The following PITPNC1 variants were observed in gnomAD, a reference collection of about 807,000 sequenced individuals.
The protein encoded by PITPNC1 is cytoplasmic phosphatidylinositol transfer protein 1.
Under a neutral mutation model 44.7 loss-of-function variants are expected in PITPNC1, and 18 were observed. That is an observed-to-expected ratio of 0.40 (90% CI 0.28 to 0.60). The LOEUF (loss-of-function observed/expected upper bound fraction) is 0.60, where lower values mean the gene tolerates loss of function less well. Among genes scored for constraint, PITPNC1 ranks in the 20% least tolerant of loss-of-function variants. PITPNC1 has a pLI of 0.39. For synonymous variants in PITPNC1, 141 were observed against 149.6 expected (o/e 0.94, Z 0.42); for missense variants, 290 against 418.4 (o/e 0.69, Z 2.68).
At chr17:67,668,660 G>A (rs964260124) in intron 6 of PITPNC1, among the ~76,000 whole-genome samples, 8 of 152,068 alleles carry the variant, frequency 5.3e-5, no homozygotes, top group Non-Finnish European at 7.4e-5. Flanking sequence ...TCAGGAGATC[G>A]AGACCATCCT....
intron 8 of PITPNC1, among the ~76,000 whole-genome samples, chr17:67,687,530 A>T (rs2042839570): frequency 6.6e-6 from 1 of 152,248 alleles, no homozygotes; most frequent in Non-Finnish European, 1.5e-5. Context: ...CATGTCAGTA[A>T]CTTTTAAAAA....
intron 1 of PITPNC1, among the ~76,000 whole-genome samples, chr17:67,392,455 G>T (rs1382762313): frequency 6.6e-6 from 1 of 152,080 alleles, no homozygotes; most frequent in East Asian, 1.9e-4. Flanking sequence ...TGTTGCCCAG[G>T]CTGGTCTCAA....
intron 1 of PITPNC1, among the ~76,000 whole-genome samples, chr17:67,500,765 C>G (rs1375942033): frequency 6.6e-6 from 1 of 151,764 alleles, no homozygotes; most frequent in East Asian, 1.9e-4. Flanking sequence ...CTCACTGAAG[C>G]CTCAAACTCC....
intron 6 of PITPNC1, among the ~76,000 whole-genome samples, chr17:67,645,839 T>C (rs918640438): frequency 6.6e-6 from 1 of 152,202 alleles, no homozygotes; most frequent in Admixed American, 6.5e-5. Flanking sequence ...ACCCAAAGAC[T>C]CTAGGCCGGC....
At chr17:67,634,008 C>A (rs2042001082) in intron 6 of PITPNC1, among the ~76,000 whole-genome samples, 1 of 152,184 alleles carries the variant, frequency 6.6e-6, no homozygotes, top group Non-Finnish European at 1.5e-5. Flanking sequence ...GAAATCAAGT[C>A]TCATTTCTAG....
At position 67,670,223 on chromosome 17, in the gene PITPNC1, G is replaced by A. The variant is rs530164293; in HGVS notation, c.618+560G>A. ...TGACCTCCATGTCTATTAGGCAAGC[G>A]TATTTGGGAAACACACTTCTCAGTT... On this transcript the variant is annotated intron_variant, in intron 7 of 8. Coordinates refer to ENST00000581322, the MANE Select transcript of PITPNC1 (RefSeq NM_012417.4). Among the ~76,000 whole-genome samples the A allele has an allele frequency of 2.6e-5, 4 of 152,196 alleles. No homozygotes were observed. In the South Asian group the frequency reaches 6.2e-4, roughly 24 times the overall value.
rs147860805 is a variant in PITPNC1, at chr17:67,534,593, C to A, written c.197+1643C>A. Among the ~76,000 whole-genome samples, 695 of 151,520 alleles carry A rather than the reference C, an allele frequency of 4.6e-3. 5 individuals carry two copies. Among genetic ancestry groups the A allele is most frequent in the African/African-American group, 0.016 (663 of 41,256 alleles). ...GTTGAGGGCTGCAGTGAGCTGAGAT[C>A]ATGCCACTGTACTCCAGCTTGGGTG... On this transcript the variant is annotated intron_variant, in intron 2 of 8. Coordinates refer to ENST00000581322, the MANE Select transcript of PITPNC1 (RefSeq NM_012417.4).
intron 6 of PITPNC1, among the ~76,000 whole-genome samples, chr17:67,645,630 C>T (rs1362111584): frequency 6.6e-6 from 1 of 152,158 alleles, no homozygotes; most frequent in Non-Finnish European, 1.5e-5. Flanking sequence ...CCTGCCCATT[C>T]CCCGATTGTG....
intron 7 of PITPNC1, among the ~76,000 whole-genome samples, chr17:67,672,532 G>C (rs1411714445): frequency 6.6e-6 from 1 of 151,852 alleles, no homozygotes; most frequent in African/African-American, 2.4e-5. Flanking sequence ...CCAGGAAGTA[G>C]AGGTTGCAGT....
At chr17:67,416,228 T>TTTA (rs1555648895) in intron 1 of PITPNC1, among the ~76,000 whole-genome samples, 1 of 139,304 alleles carries the variant, frequency 7.2e-6, no homozygotes, top group African/African-American at 2.7e-5. Context: ...TTTTTTTTTT[T>TTTA]AGACAGAGTC....
chr17:67,566,050 G>T (rs912486419), intron 4 of PITPNC1, among the ~76,000 whole-genome samples: 1 of 151,814 alleles, frequency 6.6e-6, no homozygotes, highest in South Asian at 2.1e-4. Flanking sequence ...TTTTAGAGTC[G>T]ATCCCAATGT....
chr17:67,516,394 G>A (rs557104858), intron 1 of PITPNC1, among the ~76,000 whole-genome samples: 7 of 152,152 alleles, frequency 4.6e-5, no homozygotes, highest in Non-Finnish European at 8.8e-5. Context: ...TTCCTCATTT[G>A]TCAAATAGGG....
At chr17:67,461,881 C>T (rs377461328) in intron 1 of PITPNC1, among the ~76,000 whole-genome samples, 5 of 152,136 alleles carry the variant, frequency 3.3e-5, no homozygotes, top group Non-Finnish European at 5.9e-5. Context: ...AGTTCTAACT[C>T]GATAGGCAAG....
chr17:67,484,773 A>G (rs1433917397), intron 1 of PITPNC1, among the ~76,000 whole-genome samples: 1 of 152,102 alleles, frequency 6.6e-6, no homozygotes, highest in Non-Finnish European at 1.5e-5. Flanking sequence ...CCTAGACTCT[A>G]CTAAAAATAC....
intron 5 of PITPNC1, among the ~76,000 whole-genome samples, chr17:67,608,246 A>C (rs201783492): frequency 0.02 from 2,773 of 140,216 alleles, 72 homozygotes; most frequent in African/African-American, 0.069. Flanking sequence ...AAAAAAAAAA[A>C]CAAAAAAAAA....
Position 67,408,196 on chromosome 17 carries a change from C to T in PITPNC1, c.48+29994C>T, listed in dbSNP as rs143535463. ...CTGGAACTCCTGAGCTCAGGCAGTCCACCCACCTCAGCCTCCCAAAGTACT... is the reference window on the plus strand; with the variant it reads ...CTGGAACTCCTGAGCTCAGGCAGTCTACCCACCTCAGCCTCCCAAAGTACT... On this transcript the variant is annotated intron_variant, in intron 1 of 8. Coordinates refer to ENST00000581322, the MANE Select transcript of PITPNC1 (RefSeq NM_012417.4). Among the ~76,000 whole-genome samples, 964 of 152,238 alleles carry T rather than the reference C, an allele frequency of 6.3e-3. 10 individuals carry two copies. Among genetic ancestry groups the T allele is most frequent in the Non-Finnish European group, 9.8e-3 (669 of 68,012 alleles).
chr17:67,522,486 T>C (rs1378447601), intron 1 of PITPNC1, among the ~76,000 whole-genome samples: 1 of 152,056 alleles, frequency 6.6e-6, no homozygotes, highest in Non-Finnish European at 1.5e-5. Context: ...GTTCATCAAA[T>C]AGAAATAATT....
intron 1 of PITPNC1, among the ~76,000 whole-genome samples, chr17:67,416,706 C>G (rs1405107458): frequency 6.6e-6 from 1 of 152,186 alleles, no homozygotes; most frequent in African/African-American, 2.4e-5. Context: ...AACCACGTTC[C>G]TCTTTTATGC....
intron 1 of PITPNC1, among the ~76,000 whole-genome samples, chr17:67,452,770 G>A (rs2039201446): frequency 6.6e-6 from 1 of 152,216 alleles, no homozygotes. Flanking sequence ...ACAGGCGTGA[G>A]CCACTGGGCC....
Sources: allele counts gnomAD v4.1 joint callset (sites outside exome capture counted in the v4.1 genomes callset), GRCh38; gene constraint gnomAD v4.1.1; transcripts MANE v1.5; gene names NCBI Gene and HGNC (gene_info 2026-07-23, HGNC 2026-07-21).